WDFY3: variants seen among roughly 807,000 people sequenced by gnomAD.
WDFY3 encodes the protein WD repeat and FYVE domain containing 3.
A neutral mutation model predicts 409.6 loss-of-function variants in WDFY3; 66 were observed. The observed-to-expected ratio is 0.16, with a 90% CI of 0.13 to 0.20. The LOEUF (loss-of-function observed/expected upper bound fraction) is 0.20, where lower values mean the gene tolerates loss of function less well. Ranked by LOEUF, WDFY3 falls within the 10% of genes least tolerant of loss-of-function variation. The pLI, the probability that WDFY3 is intolerant of heterozygous loss-of-function variation, is 1.00. For synonymous variants in WDFY3, 1,521 were observed against 1,537.1 expected, an observed-to-expected ratio of 0.99 and a Z score of 0.25; for missense variants, 3,031 against 4,298.1, an observed-to-expected ratio of 0.71 and a Z score of 8.24.
chr4:84,722,049 A>C (rs753514224), intron 46 of WDFY3, among the ~76,000 whole-genome samples: 10 of 152,220 alleles, frequency 6.6e-5, no homozygotes, highest in Admixed American at 6.5e-5. Context: ...GGACACCATG[A>C]ATAAATAATC....
chr4:84,874,320 G>A lies in WDFY3; in HGVS notation c.-31-13698C>T, dbSNP rs187059554. On this transcript the variant is annotated intron_variant, in intron 3 of 67. Transcript: ENST00000295888. Reference sequence around the variant, plus strand: ...CCCAGCTACTGGGGAGGCTGAGGCAGGAGAATTGCTTGAGCCCAGGAGGCG... The same window carrying A: ...CCCAGCTACTGGGGAGGCTGAGGCAAGAGAATTGCTTGAGCCCAGGAGGCG... Among the ~76,000 whole-genome samples, 40 of 152,060 alleles carry A rather than the reference G, an allele frequency of 2.6e-4. No homozygotes were observed. The East Asian group carries it at 7.5e-3, about 29-fold the overall frequency.
chr4:84,693,767 C>T (rs367800231), intron 58 of WDFY3, among the ~76,000 whole-genome samples: 26 of 151,998 alleles, frequency 1.7e-4, no homozygotes, highest in South Asian at 6.2e-4. Context: ...TGGTGGTACA[C>T]GCCTGTAGTT....
At chr4:84,941,379 T>C (rs1381210184) in intron 1 of WDFY3, among the ~76,000 whole-genome samples, 4 of 152,124 alleles carry the variant, frequency 2.6e-5, no homozygotes, top group East Asian at 1.9e-4. Flanking sequence ...GATAGATAGA[T>C]AGTACCATTT....
intron 18 of WDFY3, among the ~76,000 whole-genome samples, chr4:84,797,413 G>C (rs1312127975): frequency 1.3e-5 from 2 of 151,982 alleles, no homozygotes; most frequent in African/African-American, 2.4e-5. Context: ...ATTCTCTCTC[G>C]AAATAAACTA....
At chr4:84,962,986 T>G (rs576499914) in intron 1 of WDFY3, among the ~76,000 whole-genome samples, 3 of 151,998 alleles carry the variant, frequency 2.0e-5, no homozygotes, top group Non-Finnish European at 4.4e-5. Context: ...CATTTATTTC[T>G]TAATCATTTC....
intron 61 of WDFY3, 124 bp from the exon 62 acceptor site, chr4:84,688,389 G>T: frequency 2.1e-6 from 2 of 958,314 alleles, no homozygotes; most frequent in Non-Finnish European, 3.1e-6. Context: ...GGTGACTTGA[G>T]CAGTGGTGTC....
chr4:84,745,274 T>C (rs1454186109), intron 36 of WDFY3, among the ~76,000 whole-genome samples: 1 of 152,216 alleles, frequency 6.6e-6, no homozygotes, highest in East Asian at 1.9e-4. Flanking sequence ...TATTAAACAA[T>C]TCAATAAATG....
intron 2 of WDFY3, among the ~76,000 whole-genome samples, chr4:84,914,941 GATGAAAAAATAAATAGA>G (rs1355742152): frequency 6.6e-6 from 1 of 152,082 alleles, no homozygotes; most frequent in Non-Finnish European, 1.5e-5. Flanking sequence ...TGTGTAAACA[GATGAAAAAATAAATAGA>G]ATGTGGTATA....
At chr4:84,678,885 A>G in intron 65 of WDFY3, 34 bp downstream of exon 65, 1 of 1,578,692 alleles carries the variant, frequency 6.3e-7, no homozygotes, top group Non-Finnish European at 8.6e-7. Flanking sequence ...ACCACATATA[A>G]GGAGTGAGAA....
intron 6 of WDFY3, among the ~76,000 whole-genome samples, chr4:84,837,748 G>A (rs1756792874): frequency 6.6e-6 from 1 of 152,112 alleles, no homozygotes; most frequent in African/African-American, 2.4e-5. Context: ...TTTCCATGGT[G>A]CAGTTTGGAA....
At chr4:84,759,605 T>C (rs1431118200) in intron 32 of WDFY3, among the ~76,000 whole-genome samples, 1 of 150,022 alleles carries the variant, frequency 6.7e-6, no homozygotes, top group East Asian at 1.9e-4. Context: ...GCTCTCTGTT[T>C]GTCTGTTATT....
rs1299470844 is a variant in WDFY3, at chr4:84,787,551, A to G, written c.3832T>C (p.Ser1278Pro). The G allele has an allele frequency of 6.2e-7, 1 of 1,614,208 alleles. No homozygotes were observed. The highest frequency in any genetic ancestry group is 1.1e-5 in the South Asian group (1 of 91,086). The change falls in exon 23 of 68, where the codon TCA (serine) becomes CCA (proline). Residue 1278 changes from serine to proline, a missense_variant. By Grantham distance (74) the Ser-to-Pro change is moderately conservative. Around this residue, in one of 16 missense-constraint regions of WDFY3, gnomAD observed 1,322 missense variants for 1,697.9 expected, o/e 0.78. Transcript: ENST00000295888. ...THFLEEVLPS[S>P]NVTTIYELGP... Reference sequence around the variant, plus strand: ...AGTTCATAAATGGTAGTAACATTTGAAGAAGGTAAAACTTCTTCTAGAAAA... The same window carrying G: ...AGTTCATAAATGGTAGTAACATTTGGAGAAGGTAAAACTTCTTCTAGAAAA...
chr4:84,740,456 A>C (rs775687971), intron 38 of WDFY3, 40 bp from the exon 39 acceptor site: 7 of 1,592,282 alleles, frequency 4.4e-6, no homozygotes, highest in Non-Finnish European at 5.2e-6. Context: ...TAATAGACAA[A>C]AGTAAAACAC....
chr4:84,918,830 TATATATATACACACACACAC>T (rs1768870935), intron 2 of WDFY3, among the ~76,000 whole-genome samples: 1 of 148,860 alleles, frequency 6.7e-6, no homozygotes, highest in African/African-American at 2.5e-5. Flanking sequence ...TATATATAGA[TATATATATACACACACACAC>T]ATATATATAT....
chr4:84,686,574 G>C (rs142422528), intron 62 of WDFY3, among the ~76,000 whole-genome samples: 2 of 152,278 alleles, frequency 1.3e-5, no homozygotes, highest in East Asian at 1.9e-4. Flanking sequence ...GAGGAAAGCT[G>C]TCTGTGTAGG....
At chr4:84,928,845 C>T (rs967597884) in intron 2 of WDFY3, among the ~76,000 whole-genome samples, 19 of 152,044 alleles carry the variant, frequency 1.2e-4, no homozygotes, top group African/African-American at 3.1e-4. Context: ...TGAAAAGTCA[C>T]ACGCCACTTG....
At chr4:84,825,522 C>A (rs1286647865) in intron 10 of WDFY3, among the ~76,000 whole-genome samples, 1 of 151,682 alleles carries the variant, frequency 6.6e-6, no homozygotes, top group African/African-American at 2.4e-5. Flanking sequence ...CTATTTTTTT[C>A]TTGATAGTAA....
intron 45 of WDFY3, among the ~76,000 whole-genome samples, chr4:84,725,697 C>A (rs1735541438): frequency 1.3e-5 from 2 of 152,138 alleles, no homozygotes; most frequent in Admixed American, 6.5e-5. Context: ...AATTTTACTA[C>A]CCGTCTACTC....
chr4:84,763,376 G>C (rs1743045531), intron 32 of WDFY3, among the ~76,000 whole-genome samples: 2 of 151,424 alleles, frequency 1.3e-5, no homozygotes, highest in Non-Finnish European at 2.9e-5. Context: ...ACCGGGGTCT[G>C]TTGTAGGGTG....
Sources: gnomAD v4.1 joint callset for allele counts (sites outside exome capture counted in the v4.1 genomes callset) on GRCh38, gnomAD v4.1.1 for gene constraint, gnomAD v4.1.1 regional missense constraint, MANE v1.5 for transcripts, NCBI Gene and HGNC (gene_info 2026-07-23, HGNC 2026-07-21) for gene names.